The following IRAG2 variants were observed in gnomAD, a reference collection of about 807,000 sequenced individuals.
IRAG2 encodes the protein inositol 1,4,5-triphosphate receptor associated 2, also known as lymphoid restricted membrane protein.
IRAG2 carries 45 observed loss-of-function variants against 69.9 expected under a neutral mutation model. The observed-to-expected ratio is 0.64, with a 90% confidence interval of 0.51 to 0.83. IRAG2 has a LOEUF of 0.83. IRAG2 is among the 40% of genes least tolerant of loss of function. The probability of loss-of-function intolerance (pLI) is 0.00; values close to 1 mark genes in which losing one functional copy is unlikely to be tolerated. For missense variants in IRAG2, 520 were observed against 587.0 expected, an observed-to-expected ratio of 0.89 and a Z score of 1.18; for synonymous variants, 193 against 202.4, an observed-to-expected ratio of 0.95 and a Z score of 0.40.
chr12:25,083,312 T>G, intron 9 of IRAG2, 111 bp from the exon 10 acceptor site: 1 of 768,404 alleles, frequency 1.3e-6, no homozygotes, highest in Non-Finnish European at 2.4e-6. Context: ...GTCTCATATG[T>G]TAAGACCTTT....
intron 5 of IRAG2, among the ~76,000 whole-genome samples, 182 bp downstream of exon 5, chr12:25,066,694 G>A (rs1215322264): frequency 6.9e-6 from 1 of 144,168 alleles, no homozygotes; most frequent in Non-Finnish European, 1.5e-5. Flanking sequence ...ATGGAATCTC[G>A]CTCTCTTGCC....
intron 16 of IRAG2, among the ~76,000 whole-genome samples, chr12:25,046,962 A>G (rs1944799590): frequency 1.3e-5 from 2 of 152,208 alleles, no homozygotes; most frequent in African/African-American, 4.8e-5. Context: ...CCAGTATGGT[A>G]TTAGCATAAA....
intron 9 of IRAG2, among the ~76,000 whole-genome samples, chr12:25,029,687 T>C (rs1379776150): frequency 6.6e-6 from 1 of 152,000 alleles, no homozygotes; most frequent in African/African-American, 2.4e-5. Flanking sequence ...TTTATTTAAA[T>C]TTTAGTTTTA....
In IRAG2 at chr12:25,101,289, C is replaced by A; in HGVS notation, c.853C>A (p.Gln285Lys). ...ELEELKQVLL[Q>K]NERSFNPLED... Reference sequence around the variant, plus strand: ...AGAAGAACTGAAACAGGTTCTTCTGCAGAATGAAAGGTCTTTCAATCCTCT... The same window carrying A: ...AGAAGAACTGAAACAGGTTCTTCTGAAGAATGAAAGGTCTTTCAATCCTCT... Residue 285 changes from glutamine to lysine, a missense_variant, in exon 16 of 22, where the codon CAG (glutamine) becomes AAG (lysine). Physicochemically the swap from Gln to Lys is moderately conservative, Grantham distance 53. Coordinates refer to ENST00000556887, the MANE Select transcript of IRAG2 (RefSeq NM_001366544.2). 6.2e-7 allele frequency: 1 copy of A among 1,608,514 alleles called. No homozygotes were observed.
intron 4 of IRAG2, among the ~76,000 whole-genome samples, chr12:25,064,546 T>C (rs1386844079): frequency 6.6e-6 from 1 of 152,166 alleles, no homozygotes; most frequent in Non-Finnish European, 1.5e-5. Context: ...CAGGATAACA[T>C]GGATGCAGTT....
chr12:25,053,609 C>G (rs1945011219), intron 1 of IRAG2, among the ~76,000 whole-genome samples: 2 of 152,068 alleles, frequency 1.3e-5, no homozygotes, highest in Admixed American at 6.6e-5. Flanking sequence ...GTCAGATTAG[C>G]TATAAAATTG....
chr12:25,030,872 G>C (rs931660475), intron 10 of IRAG2: 1 of 199,742 alleles, frequency 5.0e-6, no homozygotes. Flanking sequence ...CAACATAAAT[G>C]AGTCTGCAGC....
rs537992686 is a variant in IRAG2 at position 25,064,986 on chromosome 12, A to G, written c.-207+1170A>G. Among the ~76,000 whole-genome samples, 4 of 152,132 alleles carry G rather than the reference A, an allele frequency of 2.6e-5. No homozygotes were observed. In the South Asian group the frequency reaches 6.2e-4, roughly 24 times the overall value. ...ACACCTGTAGTCCCAGCTACTCAGG[A>G]GGCTGAGGCAGGAGAGTCACTTGAA... On this transcript the variant is annotated intron_variant, in intron 4 of 21. Transcript: ENST00000556887.
At chr12:25,048,552 C>T (rs1466306408), upstream of IRAG2, among the ~76,000 whole-genome samples, 1 of 152,162 alleles carries the variant, frequency 6.6e-6, no homozygotes, top group African/African-American at 2.4e-5. Flanking sequence ...CCGCCTCAGC[C>T]TCCCAAAGTG....
upstream of IRAG2, among the ~76,000 whole-genome samples, chr12:25,050,511 G>A (rs1049351986): frequency 3.9e-5 from 5 of 129,004 alleles, no homozygotes; most frequent in African/African-American, 1.4e-4. Context: ...CCTGGAGACA[G>A]AGCGAGACTC....
chr12:25,041,965 G>A (rs1402868438), intron 16 of IRAG2, among the ~76,000 whole-genome samples: 3 of 65,642 alleles, frequency 4.6e-5, no homozygotes, highest in Non-Finnish European at 7.4e-5. Context: ...CTGTGTGTGT[G>A]TGTGTGTGTG....
intron 1 of IRAG2, among the ~76,000 whole-genome samples, chr12:25,055,173 A>G (rs1945153947): frequency 6.6e-6 from 1 of 152,230 alleles, no homozygotes; most frequent in South Asian, 2.1e-4. Context: ...AATGTGCATA[A>G]TGTTCACACT....
At chr12:25,044,111 AAT>A (rs1315398388) in intron 16 of IRAG2, among the ~76,000 whole-genome samples, 14 of 152,216 alleles carry the variant, frequency 9.2e-5, no homozygotes, top group African/African-American at 3.4e-4. Flanking sequence ...CATAACTAAA[AAT>A]ATGTAAATTA....
chr12:25,052,001 C>T (rs538832054), upstream of IRAG2, among the ~76,000 whole-genome samples: 6 of 152,272 alleles, frequency 3.9e-5, no homozygotes, highest in Admixed American at 3.9e-4. Flanking sequence ...AAAGATGAAA[C>T]TAGAAGTCCT....
At chr12:25,080,476 C>T (rs970874973) in intron 9 of IRAG2, among the ~76,000 whole-genome samples, 74 of 151,886 alleles carry the variant, frequency 4.9e-4, no homozygotes, top group African/African-American at 1.7e-3. Flanking sequence ...CTCAGCCTCC[C>T]GAGTAGCTGG....
intron 8 of IRAG2, chr12:25,026,764 C>A: frequency 8.9e-7 from 1 of 1,127,938 alleles, no homozygotes; most frequent in Non-Finnish European, 1.1e-6. Flanking sequence ...GGTGCTAAAT[C>A]CAAGAATACT....
At chr12:25,008,154 A>G (rs918361974) in intron 2 of IRAG2, among the ~76,000 whole-genome samples, 1 of 152,220 alleles carries the variant, frequency 6.6e-6, no homozygotes, top group African/African-American at 2.4e-5. Flanking sequence ...TGCAAATGGT[A>G]ATATTCTATC....
Position 25,108,037 on chromosome 12 carries a change from C to G in IRAG2, c.1477C>G (p.His493Asp). The change falls in exon 22 of 22, where the codon CAC becomes GAC. Residue 493 changes from histidine to aspartate, a missense_variant. Coordinates refer to ENST00000556887, the MANE Select transcript of IRAG2 (RefSeq NM_001366544.2). ...HILWPFTRLR[H>D]NGPPPV ...CTTGTGGCCATTTACCAGACTCCGA[C>G]ACAATGGGCCACCACCAGTGTGACA... is the stretch of plus-strand genomic sequence containing the variant. 1 of 1,613,926 alleles carries G rather than the reference C, an allele frequency of 6.2e-7. No homozygotes were observed. The highest frequency in any genetic ancestry group is 8.5e-7 in the Non-Finnish European group (1 of 1,179,944).
chr12:25,045,985 C>T (rs1035542353), intron 16 of IRAG2, among the ~76,000 whole-genome samples: 11 of 151,832 alleles, frequency 7.2e-5, no homozygotes, highest in African/African-American at 2.7e-4. Context: ...ATAAGCCAGT[C>T]AAATACAAAA....
Sources: gnomAD v4.1 joint callset for allele counts (sites outside exome capture counted in the v4.1 genomes callset) on GRCh38, gnomAD v4.1.1 for gene constraint, MANE v1.5 for transcripts, NCBI Gene and HGNC (gene_info 2026-07-23, HGNC 2026-07-21) for gene names.